SMCO2: variants seen among roughly 807,000 people sequenced by gnomAD.
SMCO2 encodes single-pass membrane protein with coiled-coil domains 2.
Under a neutral mutation model 29.5 loss-of-function variants are expected in SMCO2, and 25 were observed. That is an observed-to-expected ratio of 0.85 (90% CI 0.62 to 1.18). SMCO2 has a LOEUF of 1.18. SMCO2 is among the 50% of genes most tolerant of loss of function. SMCO2 has a pLI of 0.00. For missense variants in SMCO2, 348 were observed against 344.5 expected (o/e 1.01, Z -0.08); for synonymous variants, 117 against 123.3 (o/e 0.95, Z 0.34).
At chr12:27,487,606 T>TA (rs920783184) in intron 4 of SMCO2, among the ~76,000 whole-genome samples, 17 of 152,352 alleles carry the variant, frequency 1.1e-4, no homozygotes, top group African/African-American at 3.8e-4. Context: ...GGTCATATGG[T>TA]AAGTCAGTTT....
chr12:27,499,857 T>C (rs1416004866), intron 7 of SMCO2, among the ~76,000 whole-genome samples: 1 of 150,588 alleles, frequency 6.6e-6, no homozygotes, highest in Admixed American at 6.6e-5. Context: ...TATGAATCGA[T>C]TTTTGCTGGT....
Position 27,494,544 on chromosome 12 carries a change from A to C in SMCO2, c.507+188A>C, listed in dbSNP as rs12301380. 9.6e-3 allele frequency among the ~76,000 whole-genome samples: 1,424 copies of C among 148,958 alleles called. 19 individuals are homozygous for C. Among genetic ancestry groups the C allele is most frequent in the African/African-American group, 0.034 (1,361 of 40,436 alleles). Reference sequence around the variant, plus strand: ...TATTATACTTTAAGTTCTGGGTTACATATGCAGAACATGCAGGTTTGTTAC... The same window carrying C: ...TATTATACTTTAAGTTCTGGGTTACCTATGCAGAACATGCAGGTTTGTTAC... On this transcript the variant is annotated intron_variant, in intron 6 of 7. Transcript: ENST00000298876.
intron 4 of SMCO2, among the ~76,000 whole-genome samples, chr12:27,481,948 G>A (rs1949646904): frequency 6.7e-6 from 1 of 149,176 alleles, no homozygotes; most frequent in Non-Finnish European, 1.5e-5. Flanking sequence ...CCCAGCTTTT[G>A]ATTTCATTGG....
chr12:27,442,392 A>G, the SMCO2 span, among the ~76,000 whole-genome samples: 4 of 152,194 alleles, frequency 2.6e-5, no homozygotes, highest in African/African-American at 9.6e-5. Flanking sequence ...CCTCAGAAAT[A>G]CAAAGAATCA....
chr12:27,500,021 G>C (rs1943057911), intron 7 of SMCO2, among the ~76,000 whole-genome samples: 1 of 150,382 alleles, frequency 6.6e-6, no homozygotes, highest in East Asian at 1.9e-4. Context: ...TAAATAAATA[G>C]TATTCAAAAG....
intron 5 of SMCO2, among the ~76,000 whole-genome samples, chr12:27,492,626 TGA>T (rs1405258025): frequency 6.6e-6 from 1 of 152,166 alleles, no homozygotes. Flanking sequence ...AAAACCACAA[TGA>T]GATATCATCT....
chr12:27,442,706 A>G, the SMCO2 span, among the ~76,000 whole-genome samples: 2 of 152,202 alleles, frequency 1.3e-5, no homozygotes, highest in African/African-American at 4.8e-5. Context: ...CTGCAGCCTC[A>G]GCCTCCTGGG....
the SMCO2 span, among the ~76,000 whole-genome samples, chr12:27,461,339 G>T: frequency 6.6e-6 from 1 of 152,116 alleles, no homozygotes; most frequent in African/African-American, 2.4e-5. Context: ...TTGGTGTACA[G>T]ATTATTTCAT....
At chr12:27,446,060 C>T in the SMCO2 span, among the ~76,000 whole-genome samples, 3 of 152,202 alleles carry the variant, frequency 2.0e-5, no homozygotes, top group East Asian at 1.9e-4. Flanking sequence ...CCCACCAACA[C>T]GCCCAGCTAC....
exon 8 of SMCO2, chr12:27,502,013 C>G: frequency 6.5e-7 from 1 of 1,548,226 alleles, no homozygotes; most frequent in East Asian, 2.4e-5. Flanking sequence ...CTACATTTCT[C>G]TTTGAAAGGG....
At chr12:27,485,138 T>C (rs1379758976) in intron 4 of SMCO2, among the ~76,000 whole-genome samples, 3 of 143,532 alleles carry the variant, frequency 2.1e-5, no homozygotes, top group Non-Finnish European at 3.0e-5. Context: ...GGCTTTTTTT[T>C]TCTCTCTTTT....
chr12:27,451,362 G>A, the SMCO2 span, among the ~76,000 whole-genome samples: 1 of 152,130 alleles, frequency 6.6e-6, no homozygotes, highest in Admixed American at 6.5e-5. Flanking sequence ...CCCCATTGGG[G>A]TTATAACGGT....
intron 7 of SMCO2, among the ~76,000 whole-genome samples, chr12:27,501,372 C>T (rs1943073178): frequency 1.5e-5 from 2 of 130,164 alleles, no homozygotes; most frequent in South Asian, 2.6e-4. Flanking sequence ...GCCGGGATAG[C>T]GCCACTGCAG....
At chr12:27,447,351 G>C in the SMCO2 span, among the ~76,000 whole-genome samples, 1 of 152,114 alleles carries the variant, frequency 6.6e-6, no homozygotes, top group Non-Finnish European at 1.5e-5. Context: ...TGGGGAAGCT[G>C]TCACCACCGA....
chr12:27,445,149 G>A, the SMCO2 span, among the ~76,000 whole-genome samples: 3 of 152,110 alleles, frequency 2.0e-5, no homozygotes, highest in African/African-American at 7.2e-5. Context: ...AGTGAATCTC[G>A]TGAAGATAGA....
chr12:27,496,375 T>A (rs1299709371), intron 7 of SMCO2, among the ~76,000 whole-genome samples: 1 of 150,672 alleles, frequency 6.6e-6, no homozygotes, highest in Non-Finnish European at 1.5e-5. Flanking sequence ...TTTATTTCTA[T>A]CTACATATCT....
chr12:27,437,521 C>T, the SMCO2 span, among the ~76,000 whole-genome samples: 1 of 152,106 alleles, frequency 6.6e-6, no homozygotes, highest in African/African-American at 2.4e-5. Flanking sequence ...TAGCAACTCA[C>T]CTTTTAAAGG....
At chr12:27,476,298 A>G (rs1949585832) in intron 4 of SMCO2, among the ~76,000 whole-genome samples, 1 of 152,190 alleles carries the variant, frequency 6.6e-6, no homozygotes, top group African/African-American at 2.4e-5. Flanking sequence ...ATCCCAGAGA[A>G]TGTTCCTCGT....
At chr12:27,425,643 A>G in the SMCO2 span, among the ~76,000 whole-genome samples, 5 of 152,180 alleles carry the variant, frequency 3.3e-5, no homozygotes, top group African/African-American at 1.2e-4. Flanking sequence ...CCAAGCGTAT[A>G]TTGTTCTTAT....
Sources: gnomAD v4.1 joint callset for allele counts (sites outside exome capture counted in the v4.1 genomes callset) on GRCh38, gnomAD v4.1.1 for gene constraint, MANE v1.5 for transcripts, NCBI Gene and HGNC (gene_info 2026-07-23, HGNC 2026-07-21) for gene names.